CMYA5: variants seen among roughly 807,000 people sequenced by gnomAD.
CMYA5 encodes cardiomyopathy associated 5.
A neutral mutation model predicts 318.9 loss-of-function variants in CMYA5; 246 were observed. That is an observed-to-expected ratio of 0.77 (90% confidence interval 0.70 to 0.86). CMYA5 has a LOEUF of 0.86. Ranked by LOEUF, CMYA5 falls within the 40% of genes least tolerant of loss-of-function variation. CMYA5 has a pLI of 0.00. For missense variants in CMYA5, 4,589 were observed against 4,678.2 expected, an observed-to-expected ratio of 0.98 and a Z score of 0.56; for synonymous variants, 1,641 against 1,729.5, an observed-to-expected ratio of 0.95 and a Z score of 1.27.
chr5:79,773,333 G>A (rs1417695696), intron 9 of CMYA5, among the ~76,000 whole-genome samples: 2 of 152,166 alleles, frequency 1.3e-5, no homozygotes, highest in Non-Finnish European at 2.9e-5. Flanking sequence ...AAAATAAATT[G>A]TGCCAGCAAA....
At position 79,761,822 on chromosome 5, in the gene CMYA5, G is replaced by A. The variant is rs1828656951; in HGVS notation, c.11272G>A (p.Glu3758Lys). ...GTGTCTTATGCTAGAGTTGGTAGAA[G>A]AATACAGACTGACAGTGAAAGAAAG... ...DDQEVNELVE[E>K]YRLTVKESYC... The change falls in exon 8 of 13, where the codon GAA becomes AAA. Residue 3758 changes from glutamate (E) to lysine (K), a missense_variant. Physicochemically the swap from Glu to Lys is moderately conservative, Grantham distance 56. Coordinates refer to ENST00000446378, the MANE Select transcript of CMYA5 (RefSeq NM_153610.5). The A allele has an allele frequency of 5.0e-6, 8 of 1,613,074 alleles. No individual in the cohort carries two copies. Among genetic ancestry groups the A allele is most frequent in the African/African-American group, 2.7e-5 (2 of 74,926 alleles).
In CMYA5 at chr5:79,735,172, C is replaced by T. The variant is rs770432567; in HGVS notation, c.6407C>T (p.Ser2136Phe). 5.0e-6 allele frequency: 8 copies of T among 1,613,540 alleles called. No homozygotes were observed. The South Asian group carries it at 8.8e-5, about 18-fold the overall frequency. ...ATACCCACACAAAGAAAACCCATCTCCTCAATCCATGCAAGAGAGCCTCAA... is the reference window on the plus strand; with the variant it reads ...ATACCCACACAAAGAAAACCCATCTTCTCAATCCATGCAAGAGAGCCTCAA... ...VKIPTQRKPI[S>F]SIHAREPQSP... The change falls in exon 2 of 13, where the codon TCC becomes TTC. Residue 2136 changes from serine to phenylalanine, a missense_variant. By Grantham distance (155) the Ser-to-Phe change is radical. Around this residue, in one of 3 missense-constraint regions of CMYA5, gnomAD observed 2,431 missense variants for 2,495.1 expected, o/e 0.97. Transcript: ENST00000446378.
rs1264064651 is a variant in CMYA5 at position 79,731,331 on chromosome 5, T to C, written c.2566T>C (p.Phe856Leu). 3.7e-6 allele frequency: 6 copies of C among 1,613,870 alleles called. No homozygotes were observed. The South Asian group carries it at 6.6e-5, about 18-fold the overall frequency. The stretch of plus-strand genomic sequence containing the variant: ...TTTGGTTGTTGCATCTGAACACTCT[T>C]TCCCACCACACACAACCGAGATGAC... ...PDLVVASEHS[F>L]PPHTTEMTSE... The change falls in exon 2 of 13, where the codon TTC becomes CTC. Residue 856 changes from phenylalanine (F) to leucine (L), a missense_variant. Physicochemically the swap from Phe to Leu is conservative, Grantham distance 22 (BLOSUM62 0). This residue lies in a region of CMYA5 where 2,132 missense variants were observed against 2,131.3 expected (regional missense o/e 1.00). Coordinates refer to ENST00000446378, the MANE Select transcript of CMYA5 (RefSeq NM_153610.5).
intron 2 of CMYA5, 82 bp downstream of exon 2, chr5:79,739,485 T>C: frequency 3.8e-6 from 4 of 1,061,112 alleles, no homozygotes; most frequent in Non-Finnish European, 5.1e-6. Context: ...ATTTTAAAGA[T>C]GATTAATATT....
Position 79,729,595 on chromosome 5 carries a change from G to A in CMYA5, c.830G>A (p.Gly277Asp), listed in dbSNP as rs780675451. The change falls in exon 2 of 13, where the codon GGT (glycine) becomes GAT (aspartate). Residue 277 changes from glycine (G) to aspartate (D), a missense_variant. Gly to Asp is a moderately conservative substitution (Grantham distance 94). Transcript: ENST00000446378. ...ISLEPDLDNS[G>D]SNTVSKTRKL... The stretch of plus-strand genomic sequence containing the variant: ...CTAGAGCCAGATTTGGACAATAGTG[G>A]TTCTAATACAGTGTCCAAAACACGC... The A allele has an allele frequency of 1.9e-5, 31 of 1,613,256 alleles. No individual in the cohort carries two copies. In the East Asian group the frequency reaches 6.0e-4, roughly 31 times the overall value.
At chr5:79,695,024 T>A (rs1042185678) in intron 1 of CMYA5, among the ~76,000 whole-genome samples, 11 of 152,234 alleles carry the variant, frequency 7.2e-5, no homozygotes, top group African/African-American at 2.7e-4. Context: ...TTGGAATTAT[T>A]ACTATTTTTT....
Position 79,733,355 on chromosome 5 carries a change from A to G in CMYA5, c.4590A>G (p.Pro1530=). The G allele has an allele frequency of 6.2e-7, 1 of 1,613,590 alleles. No homozygotes were observed. Among genetic ancestry groups the G allele is most frequent in the Non-Finnish European group, 8.5e-7 (1 of 1,179,834 alleles). Residue 1530 remains proline (P), a synonymous_variant, in exon 2 of 13, where the codon CCA becomes CCG. Transcript: ENST00000446378. ...SEVLEPEHEL[P]LSLWGEIKKK... ...TGTTAGAGCCTGAACATGAGCTTCC[A>G]CTCAGCCTATGGGGTGAGATAAAGA...
Position 79,738,915 on chromosome 5 carries a change from T to C in CMYA5, c.10150T>C (p.Phe3384Leu). Residue 3384 changes from phenylalanine (F) to leucine (L), a missense_variant, in exon 2 of 13, where the codon TTT becomes CTT. Phe to Leu is a conservative substitution (Grantham distance 22). This residue lies in a region of CMYA5 where 2,431 missense variants were observed against 2,495.1 expected (regional missense o/e 0.97). Coordinates refer to ENST00000446378, the MANE Select transcript of CMYA5 (RefSeq NM_153610.5). ...PVQVSFPEEE[F>L]ASGATHVQET... is the part of the protein sequence containing the mutation. ...ACAAGTGTCCTTCCCGGAGGAAGAA[T>C]TTGCATCTGGTGCAACTCATGTTCA... 6.2e-7 allele frequency: 1 copy of C among 1,613,870 alleles called. No individual in the cohort carries two copies. Among genetic ancestry groups the C allele is most frequent in the Non-Finnish European group, 8.5e-7 (1 of 1,179,854 alleles).
At position 79,730,431 on chromosome 5, in the gene CMYA5, G is replaced by A. The variant is rs1827863924; in HGVS notation, c.1666G>A (p.Glu556Lys). The A allele has an allele frequency of 1.2e-6, 2 of 1,613,862 alleles. No homozygotes were observed. The highest frequency in any genetic ancestry group is 8.5e-7 in the Non-Finnish European group (1 of 1,179,888). ...CCCACCACATATGTCCCCTGAAGTGGAGCACAAAGAAGAAGAGCTTATTCT... is the reference window on the plus strand; with the variant it reads ...CCCACCACATATGTCCCCTGAAGTGAAGCACAAAGAAGAAGAGCTTATTCT... Reference protein sequence around the residue: ...PFPPHMSPEVEHKEEELILPL... With the variant: ...PFPPHMSPEVKHKEEELILPL... The change falls in exon 2 of 13, where the codon GAG (glutamate) becomes AAG (lysine). Residue 556 changes from glutamate (E) to lysine (K), a missense_variant. This residue lies in a region of CMYA5 where 2,132 missense variants were observed against 2,131.3 expected (regional missense o/e 1.00). Transcript: ENST00000446378.
chr5:79,772,245 G>A (rs991255825), intron 9 of CMYA5, among the ~76,000 whole-genome samples: 1 of 152,038 alleles, frequency 6.6e-6, no homozygotes, highest in African/African-American at 2.4e-5. Context: ...TTTTCTTGTT[G>A]CAGGCAAGCA....
chr5:79,701,090 C>CAAAAAAAAAA (rs1554097982), intron 1 of CMYA5, among the ~76,000 whole-genome samples: 1 of 114,928 alleles, frequency 8.7e-6, no homozygotes, highest in Admixed American at 9.7e-5. Flanking sequence ...ACTAAAAATA[C>CAAAAAAAAAA]AAAAAAAAAA....
chr5:79,696,777 G>A (rs764339255), intron 1 of CMYA5, among the ~76,000 whole-genome samples: 11 of 152,126 alleles, frequency 7.2e-5, no homozygotes, highest in East Asian at 1.9e-4. Flanking sequence ...AGGCCGAGAC[G>A]GGCAGGTCAC....
At position 79,731,433 on chromosome 5, in the gene CMYA5, T is replaced by A. The variant is rs760915834; in HGVS notation, c.2668T>A (p.Leu890Met). ...VVLSDEEAVE[L>M]ERYTPSSTSA... ...TCTATCAGACGAAGAGGCAGTCGAGTTGGAACGATACACACCCTCTTCTAC... is the reference window on the plus strand; with the variant it reads ...TCTATCAGACGAAGAGGCAGTCGAGATGGAACGATACACACCCTCTTCTAC... Residue 890 changes from leucine (L) to methionine (M), a missense_variant, in exon 2 of 13, where the codon TTG (leucine) becomes ATG (methionine). Transcript: ENST00000446378. 1.9e-6 allele frequency: 3 copies of A among 1,613,138 alleles called. No individual in the cohort carries two copies. The highest frequency in any genetic ancestry group is 2.5e-6 in the Non-Finnish European group (3 of 1,179,542).
Position 79,788,866 on chromosome 5 carries a change from G to A in CMYA5, c.11556-105G>A. 4 of 1,177,650 alleles carry A rather than the reference G, an allele frequency of 3.4e-6. No individual in the cohort carries two copies. The Admixed American group carries it at 9.4e-5, about 28-fold the overall frequency. 73.0% of individuals were successfully genotyped at this position (1,177,650 alleles called of 1,614,324 possible). A position where few individuals can be genotyped will look rare whatever the true frequency, so the allele number is the denominator to read the frequency against. ...TGGTCATAAAAGGGGAAGAAAATAA[G>A]TTATTTGTTGCTAATAAAAGATGTT... On this transcript the variant is annotated intron_variant, in intron 9 of 12. Transcript: ENST00000446378.
rs1453189071 is a variant in CMYA5, at chr5:79,738,421, C to A, written c.9656C>A (p.Ser3219Tyr). 1 of 1,613,708 alleles carries A rather than the reference C, an allele frequency of 6.2e-7. No homozygotes were observed. Among genetic ancestry groups the A allele is most frequent in the Admixed American group, 1.7e-5 (1 of 59,946 alleles). Reference protein sequence around the residue: ...ETASEGDSVNSEASFPSRNSD... With the variant: ...ETASEGDSVNYEASFPSRNSD... The stretch of plus-strand genomic sequence containing the variant: ...GCTTCTGAAGGTGACAGTGTGAATT[C>A]TGAGGCATCATTTCCCAGCAGAAAT... Residue 3219 changes from serine (S) to tyrosine (Y), a missense_variant, in exon 2 of 13, where the codon TCT becomes TAT. Transcript: ENST00000446378.
At chr5:79,743,977 A>G in intron 3 of CMYA5, 55 bp downstream of exon 3, 6 of 884,608 alleles carry the variant, frequency 6.8e-6, no homozygotes, top group Non-Finnish European at 8.7e-6. Context: ...TATCAGAAGT[A>G]AATGATTCTG....
chr5:79,703,959 A>T (rs1827219838), intron 1 of CMYA5, among the ~76,000 whole-genome samples: 1 of 152,134 alleles, frequency 6.6e-6, no homozygotes, highest in Admixed American at 6.5e-5. Flanking sequence ...GGGCATCGTG[A>T]TGCGCACCTG....
chr5:79,701,089 A>AC (rs35218208), intron 1 of CMYA5, among the ~76,000 whole-genome samples: 8 of 123,198 alleles, frequency 6.5e-5, no homozygotes, highest in African/African-American at 2.4e-4. Context: ...TACTAAAAAT[A>AC]CAAAAAAAAA....
At chr5:79,720,933 A>C (rs2151081314) in intron 1 of CMYA5, among the ~76,000 whole-genome samples, 1 of 152,322 alleles carries the variant, frequency 6.6e-6, no homozygotes, top group Middle Eastern at 3.4e-3. Flanking sequence ...TTCTGTATCT[A>C]AGTAAATCTA....
Sources: allele counts gnomAD v4.1 joint callset (sites outside exome capture counted in the v4.1 genomes callset), GRCh38; gene constraint gnomAD v4.1.1; regional missense constraint gnomAD v4.1.1; transcripts MANE v1.5; gene names NCBI Gene and HGNC (gene_info 2026-07-23, HGNC 2026-07-21).